Variants in LRRC42 observed in about 807,000 individuals in gnomAD.
LRRC42 encodes leucine-rich repeat-containing protein 42.
A neutral mutation model predicts 44.3 loss-of-function variants in LRRC42; 43 were observed. The observed-to-expected ratio is 0.97, with a 90% CI of 0.76 to 1.25. LRRC42 has a LOEUF of 1.25. Among genes scored for constraint, LRRC42 ranks in the 50% most tolerant of loss-of-function variants. LRRC42 has a pLI of 0.00. For missense variants in LRRC42, 540 were observed against 509.1 expected (o/e 1.06, Z -0.58); for synonymous variants, 207 against 195.2 (o/e 1.06, Z -0.50).
chr1:53,962,015 C>G lies in LRRC42; in HGVS notation c.725-19C>G, dbSNP rs184130223. The stretch of plus-strand genomic sequence containing the variant: ...GCATTTATATTGTGACAGAATGCTA[C>G]GTTGTTTTTGACATCTAGGTAACCC... On this transcript the variant is annotated intron_variant, in intron 5 of 8. Transcript: ENST00000371370. The G allele has an allele frequency of 1.3e-6, 2 of 1,559,854 alleles. No homozygotes were observed. The highest frequency in any genetic ancestry group is 2.3e-5 in the South Asian group (2 of 87,504).
In LRRC42 at chr1:53,967,674, G is replaced by A. The variant is rs768160886; in HGVS notation, c.1022G>A (p.Arg341Gln). The A allele has an allele frequency of 2.0e-5, 32 of 1,613,680 alleles. No individual in the cohort carries two copies. In the South Asian group the frequency reaches 2.5e-4, roughly 13 times the overall value. ...CTCCCTTCTGTCACAGATGGGAAGCGGTCTCGAGCAGAAGCCCCACTGAAG... is the reference window on the plus strand; with the variant it reads ...CTCCCTTCTGTCACAGATGGGAAGCAGTCTCGAGCAGAAGCCCCACTGAAG... ...RAAAQRFYGK[R>Q]SRAEAPLKCP... The change falls in exon 9 of 9, where the codon CGG becomes CAG. Residue 341 changes from arginine to glutamine, a missense_variant. By Grantham distance (43) the Arg-to-Gln change is conservative. Coordinates refer to ENST00000371370, the MANE Select transcript of LRRC42 (RefSeq NM_001256409.2).
chr1:53,961,861 TA>T (rs1655003088), intron 5 of LRRC42, 172 bp from the exon 6 acceptor site: 1 of 577,552 alleles, frequency 1.7e-6, no homozygotes, highest in African/African-American at 1.9e-5. Flanking sequence ...GTGGCTCTTT[TA>T]TATTACAAAT....
In LRRC42 at chr1:53,967,825, C is replaced by T; in HGVS notation, c.1173C>T (p.Ser391=). The change falls in exon 9 of 9, where the codon AGC becomes AGT. Residue 391 remains serine, a synonymous_variant. Coordinates refer to ENST00000371370, the MANE Select transcript of LRRC42 (RefSeq NM_001256409.2). ...EAISSQESKK[S]KKRPFEESET... is the part of the protein sequence containing the mutation. ...TCTCAAGCCAGGAGTCAAAGAAGAG[C>T]AAGAAGAGACCTTTTGAGGAGTCAG... 6.2e-7 allele frequency: 1 copy of T among 1,614,178 alleles called. No homozygotes were observed. Among genetic ancestry groups the T allele is most frequent in the Non-Finnish European group, 8.5e-7 (1 of 1,180,032 alleles).
At position 53,967,815 on chromosome 1, in the gene LRRC42, C is replaced by T; in HGVS notation, c.1163C>T (p.Ser388Leu). Residue 388 changes from serine (S) to leucine (L), a missense_variant, in exon 9 of 9, where the codon TCA (serine) becomes TTA (leucine). Ser to Leu is a moderately radical substitution (Grantham distance 145). Transcript: ENST00000371370. ...LKHEAISSQESKKSKKRPFEE... is the reference protein window; with the variant it reads ...LKHEAISSQELKKSKKRPFEE... Reference sequence around the variant, plus strand: ...CACGAAGCTATCTCAAGCCAGGAGTCAAAGAAGAGCAAGAAGAGACCTTTT... The same window carrying T: ...CACGAAGCTATCTCAAGCCAGGAGTTAAAGAAGAGCAAGAAGAGACCTTTT... The T allele has an allele frequency of 6.2e-7, 1 of 1,614,128 alleles. No individual in the cohort carries two copies. Among genetic ancestry groups the T allele is most frequent in the Middle Eastern group, 1.6e-4 (1 of 6,062 alleles).
At position 53,967,748 on chromosome 1, in the gene LRRC42, T is replaced by C. The variant is rs1011352013; in HGVS notation, c.1096T>C (p.Tyr366His). 6.2e-7 allele frequency: 1 copy of C among 1,614,048 alleles called. No homozygotes were observed. Among genetic ancestry groups the C allele is most frequent in the African/African-American group, 1.3e-5 (1 of 74,922 alleles). ...GAACTCTTCCGAGAAACTCCAGTTC[T>C]ATAAAGAGAAAGCCCCAGATTGCCA... is the stretch of plus-strand genomic sequence containing the variant. ...HMNSSEKLQFYKEKAPDCHGP... is the reference protein window; with the variant it reads ...HMNSSEKLQFHKEKAPDCHGP... The change falls in exon 9 of 9, where the codon TAT (tyrosine) becomes CAT (histidine). Residue 366 changes from tyrosine (Y) to histidine (H), a missense_variant. Physicochemically the swap from Tyr to His is moderately conservative, Grantham distance 83. Coordinates refer to ENST00000371370, the MANE Select transcript of LRRC42 (RefSeq NM_001256409.2).
intron 2 of LRRC42, among the ~76,000 whole-genome samples, chr1:53,950,628 A>T (rs544307441): frequency 6.6e-6 from 1 of 152,364 alleles, no homozygotes; most frequent in South Asian, 2.1e-4. Flanking sequence ...TCAGGCATGT[A>T]TGATATTCTA....
intron 3 of LRRC42, among the ~76,000 whole-genome samples, chr1:53,953,939 G>A (rs1014353610): frequency 2.0e-5 from 3 of 151,570 alleles, no homozygotes; most frequent in Non-Finnish European, 4.4e-5. Context: ...CACCACGTTG[G>A]CCAGGCTTAT....
In LRRC42 at chr1:53,962,358, T is replaced by G. The variant is rs1349680747; in HGVS notation, c.876T>G (p.Pro292=). ...TAGGCCTTGTTCACTCCAAAGTGCC[T>G]TTGAAGGAATTTGATCATAGTAACT... ...THIGLVHSKV[P]LKEFDHSNCK... The change falls in exon 7 of 9, where the codon CCT becomes CCG. Residue 292 remains proline, a synonymous_variant. Transcript: ENST00000371370. The G allele has an allele frequency of 6.2e-7, 1 of 1,614,050 alleles. No individual in the cohort carries two copies. The highest frequency in any genetic ancestry group is 8.5e-7 in the Non-Finnish European group (1 of 1,180,002).
At chr1:53,949,789 C>T (rs546064406) in intron 2 of LRRC42, among the ~76,000 whole-genome samples, 6 of 152,164 alleles carry the variant, frequency 3.9e-5, no homozygotes, top group Non-Finnish European at 7.4e-5. Flanking sequence ...ATATTCCCAT[C>T]GTCTGCTTTG....
intron 1 of LRRC42, among the ~76,000 whole-genome samples, chr1:53,947,424 G>A (rs1557642375): frequency 6.6e-6 from 1 of 152,136 alleles, no homozygotes; most frequent in Non-Finnish European, 1.5e-5. Flanking sequence ...TAGGAAAAAA[G>A]TAGTGAGGAA....
chr1:53,962,263 AT>A (rs1655016842), intron 6 of LRRC42, 32 bp from the exon 7 acceptor site: 1 of 1,540,160 alleles, frequency 6.5e-7, no homozygotes, highest in Admixed American at 1.7e-5. Context: ...AACCAAATGT[AT>A]TTGCATTTCT....
At position 53,968,037 on chromosome 1, in the gene LRRC42, C is replaced by A; in HGVS notation, c.*98C>A. 1 of 1,269,312 alleles carries A rather than the reference C, an allele frequency of 7.9e-7. No individual in the cohort carries two copies. Among genetic ancestry groups the A allele is most frequent in the Non-Finnish European group, 1.1e-6 (1 of 907,458 alleles). The allele number at this position is 1,269,312 out of a possible 1,614,324, so 78.6% of individuals were successfully genotyped here. A position where few individuals can be genotyped will look rare whatever the true frequency, so the allele number is the denominator to read the frequency against. On this transcript the variant is annotated 3_prime_UTR_variant, in exon 9 of 9. Coordinates refer to ENST00000371370, the MANE Select transcript of LRRC42 (RefSeq NM_001256409.2). Reference sequence around the variant, plus strand: ...ACTTTTTGTTTGAATTTACCTATGGCATTAGCATAGTAAGCAGATATTTCT... The same window carrying A: ...ACTTTTTGTTTGAATTTACCTATGGAATTAGCATAGTAAGCAGATATTTCT...
chr1:53,955,751 C>G (rs924808437), intron 3 of LRRC42, among the ~76,000 whole-genome samples: 2 of 151,644 alleles, frequency 1.3e-5, no homozygotes, highest in African/African-American at 4.8e-5. Flanking sequence ...GCCTCAGCCT[C>G]CCGAGTAGCT....
At position 53,953,028 on chromosome 1, in the gene LRRC42, T is replaced by C. The variant is rs75070419; in HGVS notation, c.473+556T>C. 9.3e-3 allele frequency among the ~76,000 whole-genome samples: 1,421 copies of C among 152,366 alleles called. 28 individuals are homozygous for C. The highest frequency in any genetic ancestry group is 0.033 in the African/African-American group (1,355 of 41,598). ...ATATGCTTTATTTAAAATTTTTACTTTACCGTCATGTAAAAACACTTTCAA... is the reference window on the plus strand; with the variant it reads ...ATATGCTTTATTTAAAATTTTTACTCTACCGTCATGTAAAAACACTTTCAA... On this transcript the variant is annotated intron_variant, in intron 3 of 8. Transcript: ENST00000371370.
intron 4 of LRRC42, among the ~76,000 whole-genome samples, chr1:53,959,352 C>G (rs765656468): frequency 1.3e-5 from 2 of 152,168 alleles, no homozygotes; most frequent in Non-Finnish European, 2.9e-5. Flanking sequence ...TCTGACTGAT[C>G]TCAGGTTATT....
At chr1:53,955,105 T>C (rs1356773878) in intron 3 of LRRC42, among the ~76,000 whole-genome samples, 1 of 152,126 alleles carries the variant, frequency 6.6e-6, no homozygotes, top group African/African-American at 2.4e-5. Context: ...AACAGATTTT[T>C]TAAATGTATG....
chr1:53,962,392 G>C lies in LRRC42; in HGVS notation c.910G>C (p.Glu304Gln). 6.2e-7 allele frequency: 1 copy of C among 1,612,888 alleles called. No individual in the cohort carries two copies. The highest frequency in any genetic ancestry group is 8.5e-7 in the Non-Finnish European group (1 of 1,178,836). ...ATTTGATCATAGTAACTGCAAGACAGAGGGCTGGGCTGACCAGGTACTCCA... is the reference window on the plus strand; with the variant it reads ...ATTTGATCATAGTAACTGCAAGACACAGGGCTGGGCTGACCAGGTACTCCA... ...KEFDHSNCKT[E>Q]GWADQIVLQW... Residue 304 changes from glutamate to glutamine, a missense_variant, in exon 7 of 9, where the codon GAG (glutamate) becomes CAG (glutamine). Glu to Gln is a conservative substitution (Grantham distance 29). Coordinates refer to ENST00000371370, the MANE Select transcript of LRRC42 (RefSeq NM_001256409.2).
chr1:53,966,155 T>C, intron 7 of LRRC42, 141 bp from the exon 8 acceptor site: 1 of 633,908 alleles, frequency 1.6e-6, no homozygotes. Flanking sequence ...ACTTGGTTCT[T>C]ATTCTTATCA....
rs1557649612 is a variant in LRRC42, at chr1:53,964,995, A to ATTTTTTTTTTTTT, written c.928-1299_928-1298insTTTTTTTTTTTTT. 3.4e-4 allele frequency among the ~76,000 whole-genome samples: 47 copies of ATTTTTTTTTTTTT among 137,686 alleles called. 1 individual carries two copies. The highest frequency in any genetic ancestry group is 1.4e-3 in the African/African-American group (45 of 32,780). The allele number at this position is 137,686 out of a possible 152,430, so 90.3% of individuals were successfully genotyped here. A position where few individuals can be genotyped will look rare whatever the true frequency, so the allele number is the denominator to read the frequency against. On this transcript the variant is annotated intron_variant, in intron 7 of 8. Transcript: ENST00000371370. ...GCCACTGTGCCTGGCCTGGAACTGT[A>ATTTTTTTTTTTTT]TTGTTTTTTTTTGTTTTTTTTTTTT...
Sources: allele counts gnomAD v4.1 joint callset (sites outside exome capture counted in the v4.1 genomes callset), GRCh38; gene constraint gnomAD v4.1.1; transcripts MANE v1.5; gene names NCBI Gene and HGNC (gene_info 2026-07-23, HGNC 2026-07-21).